PEX5L: variants seen among roughly 807,000 people sequenced by gnomAD.
PEX5L encodes PEX5-related protein.
A neutral mutation model predicts 84.0 loss-of-function variants in PEX5L; 30 were observed. The observed-to-expected ratio is 0.36, with a 90% CI of 0.27 to 0.48. PEX5L has a LOEUF of 0.48. Ranked by LOEUF, PEX5L falls within the 20% of genes least tolerant of loss-of-function variation. PEX5L has a pLI of 0.99. For synonymous variants in PEX5L, 270 were observed against 283.1 expected, an observed-to-expected ratio of 0.95 and a Z score of 0.46; for missense variants, 533 against 754.6, an observed-to-expected ratio of 0.71 and a Z score of 3.44.
At chr3:179,942,324 C>A (rs913576256) in intron 2 of PEX5L, among the ~76,000 whole-genome samples, 3 of 152,222 alleles carry the variant, frequency 2.0e-5, no homozygotes, top group Non-Finnish European at 4.4e-5. Context: ...GCACCTGGAG[C>A]CTGAGGAGGG....
intron 1 of PEX5L, among the ~76,000 whole-genome samples, chr3:180,001,772 C>A (rs1428245608): frequency 6.6e-6 from 1 of 152,030 alleles, no homozygotes; most frequent in Non-Finnish European, 1.5e-5. Flanking sequence ...ATAGTTTAGT[C>A]TTTTCTTTTT....
At chr3:180,023,894 G>A (rs1790659201) in intron 1 of PEX5L, among the ~76,000 whole-genome samples, 1 of 149,296 alleles carries the variant, frequency 6.7e-6, no homozygotes, top group Non-Finnish European at 1.5e-5. Context: ...TAGCACCTTG[G>A]TAGAGGAGAC....
chr3:179,801,332 A>ATG lies in PEX5L; in HGVS notation c.*494_*495dup, dbSNP rs1718796358. The ATG allele has an allele frequency of 6.3e-6, 1 of 157,818 alleles. No homozygotes were observed. Among genetic ancestry groups the ATG allele is most frequent in the Non-Finnish European group, 1.4e-5 (1 of 70,774 alleles). The allele number at this position is 157,818 out of a possible 1,614,324, so 9.8% of individuals were successfully genotyped here. ...GTTAAAATTGGAACAGGTTTAAGCA[A>ATG]TGTCTGTCTTTAGTCACAAGTTAAT... is the stretch of plus-strand genomic sequence containing the variant. On this transcript the variant is annotated 3_prime_UTR_variant, in exon 15 of 15. Transcript: ENST00000467460.
chr3:179,822,236 G>T (rs1728777636), intron 8 of PEX5L, among the ~76,000 whole-genome samples: 1 of 152,210 alleles, frequency 6.6e-6, no homozygotes, highest in South Asian at 2.1e-4. Context: ...TTCATCTAGT[G>T]AGAGTCCTTG....
intron 2 of PEX5L, among the ~76,000 whole-genome samples, chr3:179,965,934 C>T (rs1783213254): frequency 6.6e-6 from 1 of 152,010 alleles, no homozygotes. Context: ...AAGAAATTTC[C>T]CCCTTCTGTG....
At chr3:179,926,099 T>G (rs1345634215) in intron 2 of PEX5L, among the ~76,000 whole-genome samples, 1 of 152,130 alleles carries the variant, frequency 6.6e-6, no homozygotes, top group Non-Finnish European at 1.5e-5. Context: ...CACGTTCTCT[T>G]TTTTCCTCAC....
At chr3:179,993,364 T>C (rs1787562236) in intron 1 of PEX5L, among the ~76,000 whole-genome samples, 2 of 152,208 alleles carry the variant, frequency 1.3e-5, no homozygotes, top group South Asian at 2.1e-4. Flanking sequence ...GTGTGTACAA[T>C]TGTCCCTTGG....
At chr3:179,859,224 G>C in intron 7 of PEX5L, 67 bp from the exon 8 acceptor site, 1 of 1,214,198 alleles carries the variant, frequency 8.2e-7, no homozygotes, top group Admixed American at 1.8e-5. Context: ...ATATACAGGT[G>C]CTTTTCCTTT....
intron 8 of PEX5L, among the ~76,000 whole-genome samples, chr3:179,836,782 G>A (rs1735119295): frequency 6.6e-6 from 1 of 152,148 alleles, no homozygotes; most frequent in South Asian, 2.1e-4. Flanking sequence ...TTAGACTAAA[G>A]TCTGAAGTCT....
chr3:180,035,843 C>T lies in PEX5L; in HGVS notation c.21+736G>A, dbSNP rs1391055714. 2.0e-5 allele frequency among the ~76,000 whole-genome samples: 3 copies of T among 152,194 alleles called. No individual in the cohort carries two copies. The East Asian group carries it at 5.8e-4, about 29-fold the overall frequency. ...TTTATTTTTCTCCCAAAGCATATAT[C>T]TGCCTTTATAAGAACCAACCAACCG... On this transcript the variant is annotated intron_variant, in intron 1 of 14. Coordinates refer to ENST00000467460, the MANE Select transcript of PEX5L (RefSeq NM_016559.3).
intron 2 of PEX5L, among the ~76,000 whole-genome samples, chr3:179,912,162 G>C (rs1765400079): frequency 6.6e-6 from 1 of 152,066 alleles, no homozygotes; most frequent in Non-Finnish European, 1.5e-5. Context: ...CCCATACTCT[G>C]TGTCTCAAGC....
chr3:179,813,593 G>GTT (rs1474885110), intron 10 of PEX5L, among the ~76,000 whole-genome samples: 1 of 151,822 alleles, frequency 6.6e-6, no homozygotes, highest in Non-Finnish European at 1.5e-5. Flanking sequence ...CCGCCTCCTG[G>GTT]TTCAAGTGAT....
chr3:179,916,813 G>A (rs1767305699), intron 2 of PEX5L, among the ~76,000 whole-genome samples: 2 of 151,956 alleles, frequency 1.3e-5, no homozygotes, highest in Admixed American at 6.6e-5. Flanking sequence ...AGGATTACAG[G>A]TGCACACCAC....
At chr3:179,867,460 C>T (rs1466353418) in intron 7 of PEX5L, among the ~76,000 whole-genome samples, 5 of 152,104 alleles carry the variant, frequency 3.3e-5, no homozygotes, top group Non-Finnish European at 7.4e-5. Context: ...TTCCTGCCTG[C>T]CTGCCTTCTT....
At chr3:179,923,758 C>T (rs76222152) in intron 2 of PEX5L, among the ~76,000 whole-genome samples, 2,644 of 152,234 alleles carry the variant, frequency 0.017, 73 homozygotes, top group African/African-American at 0.061. Context: ...TAATAACTGT[C>T]TAACTTCTAA....
intron 1 of PEX5L, among the ~76,000 whole-genome samples, chr3:180,033,319 G>T (rs956774258): frequency 6.6e-6 from 1 of 152,270 alleles, no homozygotes; most frequent in East Asian, 1.9e-4. Flanking sequence ...CAAAAAGTCT[G>T]CTTTGAATGC....
rs1427196623 is a variant in PEX5L at position 180,036,759 on chromosome 3, TCGG to T, written c.-163_-161del. ...GGGTACTCGGCCGGCCGGCGGCCAC[TCGG>T]CAGCGCTGCGGGCTGCCGGGAACTG... On this transcript the variant is annotated 5_prime_UTR_variant, in exon 1 of 15. Coordinates refer to ENST00000467460, the MANE Select transcript of PEX5L (RefSeq NM_016559.3). The T allele has an allele frequency of 2.7e-6, 2 of 735,146 alleles. No homozygotes were observed. The highest frequency in any genetic ancestry group is 4.9e-6 in the Non-Finnish European group (2 of 408,288). 45.5% of individuals were successfully genotyped at this position (735,146 alleles called of 1,614,324 possible).
At chr3:179,988,485 T>C (rs1352915874) in intron 1 of PEX5L, among the ~76,000 whole-genome samples, 2 of 152,116 alleles carry the variant, frequency 1.3e-5, no homozygotes, top group Non-Finnish European at 1.5e-5. Flanking sequence ...GATAAAAATA[T>C]ACCATTAACC....
intron 7 of PEX5L, 137 bp from the exon 8 acceptor site, chr3:179,859,294 C>T: frequency 1.5e-6 from 1 of 669,524 alleles, no homozygotes; most frequent in Non-Finnish European, 2.6e-6. Flanking sequence ...TTTTGGAGTA[C>T]TGTGCTGGTA....
Sources: allele counts gnomAD v4.1 joint callset (sites outside exome capture counted in the v4.1 genomes callset), GRCh38; gene constraint gnomAD v4.1.1; transcripts MANE v1.5; gene names NCBI Gene and HGNC (gene_info 2026-07-23, HGNC 2026-07-21).